Variants in CAPN14 observed in about 807,000 individuals in gnomAD.
CAPN14 encodes calpain-14.
CAPN14 carries 94 observed loss-of-function variants against 101.3 expected under a neutral mutation model. That is an observed-to-expected ratio of 0.93 (90% confidence interval 0.79 to 1.10). CAPN14 has a LOEUF of 1.10. CAPN14 is among the 50% of genes least tolerant of loss of function. The pLI, the probability that CAPN14 is intolerant of heterozygous loss-of-function variation, is 0.00. For missense variants in CAPN14, 837 were observed against 828.4 expected, an observed-to-expected ratio of 1.01 and a Z score of -0.13; for synonymous variants, 338 against 317.9, an observed-to-expected ratio of 1.06 and a Z score of -0.67.
At chr2:31,221,702 C>G (rs72786923), upstream of CAPN14, among the ~76,000 whole-genome samples, 4,288 of 152,222 alleles carry the variant, frequency 0.028, 59 homozygotes, top group South Asian at 0.043. Flanking sequence ...CATTTCCTTC[C>G]GAGAGACGGT....
At position 31,187,816 on chromosome 2, in the gene CAPN14, T is replaced by C; in HGVS notation, c.1531-2A>G. On this transcript the variant is annotated splice_acceptor_variant, in intron 14 of 21. Transcript: ENST00000403897. LOFTEE classifies it high-confidence loss of function. ...CCTTTCATTTTGGTCTTCTATCTCC[T>C]ATAGGAAGAGACACACAGAAAGACA... The C allele has an allele frequency of 6.5e-7, 1 of 1,549,460 alleles. No homozygotes were observed. The highest frequency in any genetic ancestry group is 2.0e-5 in the Admixed American group (1 of 51,000).
At chr2:31,229,384 C>T (rs1381245614) in intron 1 of CAPN14, among the ~76,000 whole-genome samples, 1 of 152,062 alleles carries the variant, frequency 6.6e-6, no homozygotes, top group African/African-American at 2.4e-5. Context: ...AAAATTCCAA[C>T]TTTGTGCATC....
Position 31,174,391 on chromosome 2 carries a change from G to A in CAPN14, c.*290C>T. 1 of 548,792 alleles carries A rather than the reference G, an allele frequency of 1.8e-6. No individual in the cohort carries two copies. The highest frequency in any genetic ancestry group is 3.3e-6 in the Non-Finnish European group (1 of 306,310). The allele number at this position is 548,792 out of a possible 1,614,324, so 34.0% of individuals were successfully genotyped here. Reference sequence around the variant, plus strand: ...ACCACACCAGCTCTGGAGTCAGAATGCTTAGGCCATGTCAGGTAACATCTC... The same window carrying A: ...ACCACACCAGCTCTGGAGTCAGAATACTTAGGCCATGTCAGGTAACATCTC... On this transcript the variant is annotated 3_prime_UTR_variant, in exon 22 of 22. Transcript: ENST00000403897.
rs1169907020 is a variant in CAPN14 at position 31,192,102 on chromosome 2, G to C, written c.1115-4C>G. Reference sequence around the variant, plus strand: ...TGCGGGTTCTTCCAAAATGTGTCTGGAGCAGAACACAGCAAGGTGAGAATG... The same window carrying C: ...TGCGGGTTCTTCCAAAATGTGTCTGCAGCAGAACACAGCAAGGTGAGAATG... On this transcript the variant is annotated splice_region_variant and splice_polypyrimidine_tract_variant and intron_variant, in intron 10 of 21. Transcript: ENST00000403897. 6.5e-7 allele frequency: 1 copy of C among 1,543,730 alleles called. No individual in the cohort carries two copies. The highest frequency in any genetic ancestry group is 8.8e-7 in the Non-Finnish European group (1 of 1,142,802).
chr2:31,193,107 C>A (rs1274640709), intron 10 of CAPN14, 24 bp downstream of exon 10: 1 of 1,542,998 alleles, frequency 6.5e-7, no homozygotes, highest in South Asian at 1.2e-5. Context: ...ACCCTGAGAG[C>A]CCTGCTCCTG....
intron 1 of CAPN14, among the ~76,000 whole-genome samples, chr2:31,207,631 G>A (rs1682168430): frequency 2.6e-5 from 4 of 152,068 alleles, no homozygotes; most frequent in South Asian, 2.1e-4. Flanking sequence ...GCTAGGCATG[G>A]TGATGTATGA....
At position 31,189,313 on chromosome 2, in the gene CAPN14, C is replaced by G. The variant is rs895148222; in HGVS notation, c.1453G>C (p.Glu485Gln). ...PCILEAHQKS[E>Q]FVLRVFSRKH... is the part of the protein sequence containing the mutation. ...CTGGAGAAGACCCTGAGGACGAACT[C>G]TGACTTCTGGTGGGCCTCCAATATG... Residue 485 changes from glutamate to glutamine, a missense_variant, in exon 13 of 22, where the codon GAG becomes CAG. Coordinates refer to ENST00000403897, the MANE Select transcript of CAPN14 (RefSeq NM_001145122.2). The G allele has an allele frequency of 6.4e-7, 1 of 1,551,564 alleles. No homozygotes were observed. The highest frequency in any genetic ancestry group is 1.4e-5 in the African/African-American group (1 of 73,056).
At chr2:31,185,958 C>A (rs942421481) in intron 16 of CAPN14, among the ~76,000 whole-genome samples, 1 of 152,154 alleles carries the variant, frequency 6.6e-6, no homozygotes, top group Non-Finnish European at 1.5e-5. Context: ...GAAAGCCTCA[C>A]GCTACTCATT....
intron 12 of CAPN14, 162 bp from the exon 13 acceptor site, chr2:31,189,640 C>G: frequency 2.8e-6 from 2 of 704,960 alleles, no homozygotes; most frequent in Non-Finnish European, 2.6e-6. Context: ...AAAGGAAAAA[C>G]CAGAATATGT....
At chr2:31,209,051 C>T (rs1682253867) in intron 1 of CAPN14, among the ~76,000 whole-genome samples, 1 of 152,138 alleles carries the variant, frequency 6.6e-6, no homozygotes, top group African/African-American at 2.4e-5. Flanking sequence ...CTTACTACAG[C>T]CTTGAACTCC....
chr2:31,198,222 G>T (rs975321563), intron 7 of CAPN14, among the ~76,000 whole-genome samples: 2 of 152,172 alleles, frequency 1.3e-5, no homozygotes. Flanking sequence ...GCAACCATTT[G>T]TCTCTTATCT....
At position 31,199,498 on chromosome 2, in the gene CAPN14, T is replaced by C; in HGVS notation, c.761A>G (p.His254Arg). 6 of 1,551,548 alleles carry C rather than the reference T, an allele frequency of 3.9e-6. No individual in the cohort carries two copies. The highest frequency in any genetic ancestry group is 5.2e-6 in the Non-Finnish European group (6 of 1,146,892). Reference protein sequence around the residue: ...KILENGLVEGHAYTLTGIRKV... With the variant: ...KILENGLVEGRAYTLTGIRKV... ...CCTGATTCCTGTGAGAGTATAGGCA[T>C]GGCCTTCCACCAGCCCATTCTCCAG... The change falls in exon 7 of 22, where the codon CAT becomes CGT. Residue 254 changes from histidine (H) to arginine (R), a missense_variant. Physicochemically the swap from His to Arg is conservative, Grantham distance 29. Coordinates refer to ENST00000403897, the MANE Select transcript of CAPN14 (RefSeq NM_001145122.2).
chr2:31,231,522 G>A (rs1343045908), intron 1 of CAPN14, among the ~76,000 whole-genome samples: 5 of 152,036 alleles, frequency 3.3e-5, no homozygotes, highest in Non-Finnish European at 7.4e-5. Context: ...TATCTTTCAT[G>A]ACCTTTTATT....
chr2:31,183,748 A>T (rs1313829971), intron 16 of CAPN14, among the ~76,000 whole-genome samples: 1 of 151,836 alleles, frequency 6.6e-6, no homozygotes, highest in Non-Finnish European at 1.5e-5. Context: ...GGGACTGTAA[A>T]CTAGTCCTTT....
chr2:31,216,864 G>A (rs973326993), intron 1 of CAPN14, among the ~76,000 whole-genome samples: 4 of 152,178 alleles, frequency 2.6e-5, no homozygotes, highest in African/African-American at 9.7e-5. Context: ...GCACCACACT[G>A]ACAGCTATCA....
chr2:31,186,375 T>C, intron 16 of CAPN14, 53 bp downstream of exon 16: 2 of 1,301,774 alleles, frequency 1.5e-6, no homozygotes, highest in African/African-American at 1.5e-5. Context: ...AAGCCAGAGT[T>C]TAGAAAAGTT....
intron 5 of CAPN14, among the ~76,000 whole-genome samples, chr2:31,201,067 C>T (rs1681734779): frequency 6.6e-6 from 1 of 152,106 alleles, no homozygotes; most frequent in Non-Finnish European, 1.5e-5. Flanking sequence ...CCGCCTGGGC[C>T]CCCTGACCTC....
chr2:31,199,511 GC>G lies in CAPN14; in HGVS notation c.747del (p.Leu250TrpfsTer15). The G allele has an allele frequency of 1.3e-6, 2 of 1,551,582 alleles. No individual in the cohort carries two copies. Among genetic ancestry groups the G allele is most frequent in the Non-Finnish European group, 8.7e-7 (1 of 1,146,924 alleles). ...THSGEKILEN[G>X]LVEGHAYTLT... is the part of the protein sequence containing the mutation. ...AGAGTATAGGCATGGCCTTCCACCA[GC>G]CCATTCTCCAGAATCTTCTCCTGCA... is the stretch of plus-strand genomic sequence containing the variant. On this transcript the variant is annotated frameshift_variant, in exon 7 of 22. Transcript: ENST00000403897. LOFTEE classifies it high-confidence loss of function.
At chr2:31,222,427 C>T (rs901916868), upstream of CAPN14, among the ~76,000 whole-genome samples, 4 of 152,144 alleles carry the variant, frequency 2.6e-5, no homozygotes, top group African/African-American at 9.7e-5. Flanking sequence ...TCAGATCAGC[C>T]TGCAGTTTGA....
Sources: gnomAD v4.1 joint callset for allele counts (sites outside exome capture counted in the v4.1 genomes callset) on GRCh38, gnomAD v4.1.1 for gene constraint, MANE v1.5 for transcripts, NCBI Gene and HGNC (gene_info 2026-07-23, HGNC 2026-07-21) for gene names.